The following CELF2 variants were observed in gnomAD, a reference collection of about 807,000 sequenced individuals.
CELF2 encodes the protein CUGBP Elav-like family member 2.
In CELF2, 8 loss-of-function variants were observed where a neutral mutation model predicts 62.6. The ratio of observed to expected loss-of-function variants is 0.13; its 90% CI spans 0.07 to 0.23. The LOEUF is 0.23. Among genes scored for constraint, CELF2 ranks in the 10% least tolerant of loss-of-function variants. The pLI, the probability that CELF2 is intolerant of heterozygous loss-of-function variation, is 1.00. For missense variants in CELF2, 333 were observed against 671.0 expected (o/e 0.50, Z 5.56); for synonymous variants, 258 against 250.0 (o/e 1.03, Z -0.30).
chr10:10,880,048 A>G (rs999574003), intron 1 of CELF2, among the ~76,000 whole-genome samples: 2 of 152,214 alleles, frequency 1.3e-5, no homozygotes, highest in Non-Finnish European at 2.9e-5. Flanking sequence ...AATGTGCCCA[A>G]TCTAATGGGA....
At chr10:11,141,939 C>T (rs138512026) in intron 1 of CELF2, among the ~76,000 whole-genome samples, 24 of 152,304 alleles carry the variant, frequency 1.6e-4, no homozygotes, top group African/African-American at 5.8e-4. Context: ...GAGACTGTAG[C>T]TTAGATGAAG....
the CELF2 span, among the ~76,000 whole-genome samples, chr10:10,523,140 G>A: frequency 6.6e-6 from 1 of 152,176 alleles, no homozygotes; most frequent in Non-Finnish European, 1.5e-5. Flanking sequence ...GGCAGTCAAA[G>A]GTGACCCTAC....
the CELF2 span, among the ~76,000 whole-genome samples, chr10:10,709,368 T>C: frequency 6.6e-6 from 1 of 152,218 alleles, no homozygotes; most frequent in African/African-American, 2.4e-5. Flanking sequence ...CTTCCTAACT[T>C]CTTAGCATTC....
At chr10:11,150,740 T>C (rs1373836143) in intron 1 of CELF2, among the ~76,000 whole-genome samples, 1 of 152,238 alleles carries the variant, frequency 6.6e-6, no homozygotes, top group Non-Finnish European at 1.5e-5. Flanking sequence ...ACTTAAATTA[T>C]AATCTGTTTA....
chr10:10,748,191 G>A, the CELF2 span, among the ~76,000 whole-genome samples: 1 of 151,996 alleles, frequency 6.6e-6, no homozygotes, highest in South Asian at 2.1e-4. Flanking sequence ...AATTAACAAC[G>A]TGTTGTATAT....
rs1386139365 is a variant in CELF2, at chr10:11,214,160, T to G, written c.272-3265T>G. On this transcript the variant is annotated intron_variant, in intron 2 of 12. Transcript: ENST00000633077. This position sits in a 1 kb window ranked among gnomAD's most constrained non-coding sequence, Gnocchi z 4.2. ...GTAGTCAGGCATGGTAGCACACACC[T>G]GTACTCCCAGGTACTCAGGGAAGGG... 6.6e-6 allele frequency among the ~76,000 whole-genome samples: 1 copy of G among 152,120 alleles called. No individual in the cohort carries two copies. Among genetic ancestry groups the G allele is most frequent in the Non-Finnish European group, 1.5e-5 (1 of 68,022 alleles).
At chr10:10,877,084 T>G (rs1591459364) in intron 1 of CELF2, among the ~76,000 whole-genome samples, 1 of 152,160 alleles carries the variant, frequency 6.6e-6, no homozygotes, top group South Asian at 2.1e-4. Context: ...TCCATAAAGG[T>G]GAGCAACTAA....
intron 2 of CELF2, among the ~76,000 whole-genome samples, chr10:11,199,868 G>A (rs2058823673): frequency 6.6e-6 from 1 of 152,190 alleles, no homozygotes; most frequent in African/African-American, 2.4e-5. Context: ...TTAAGCTAGA[G>A]GTAACCTGGA....
In CELF2 at chr10:11,220,264, TTGA is replaced by T. The variant is rs2136015405; in HGVS notation, c.354+2760_354+2762del. On this transcript the variant is annotated intron_variant, in intron 3 of 12. Transcript: ENST00000633077. The surrounding 1 kb of genome is among the most constrained non-coding windows in gnomAD (Gnocchi z 4.4). ...TTTCCGATGTAATTTTCTTTTGCAG[TTGA>T]TGTTTTGTTTCATAAGGAACTTTTA... Among the ~76,000 whole-genome samples the T allele has an allele frequency of 6.6e-6, 1 of 152,302 alleles. No homozygotes were observed. The highest frequency in any genetic ancestry group is 2.1e-4 in the South Asian group (1 of 4,826).
At chr10:11,134,115 A>G (rs2060033168) in intron 1 of CELF2, among the ~76,000 whole-genome samples, 1 of 152,240 alleles carries the variant, frequency 6.6e-6, no homozygotes, top group East Asian at 1.9e-4. Flanking sequence ...TCTAAAGAGA[A>G]GAGGATCGCC....
the CELF2 span, among the ~76,000 whole-genome samples, chr10:10,624,052 T>C: frequency 6.6e-6 from 1 of 152,192 alleles, no homozygotes; most frequent in Non-Finnish European, 1.5e-5. Context: ...TGTCTCTGCG[T>C]TTCCAATTTT....
rs116401561 is a variant in CELF2 at position 10,896,840 on chromosome 10, G to A, written c.54-23124G>A. On this transcript the variant is annotated intron_variant, in intron 1 of 13. Transcript: ENST00000636488. The stretch of plus-strand genomic sequence containing the variant: ...CTGGTACAGATGCCCATTGACTTAG[G>A]ACAGGGTTTCATCCTGATAAACCCA... Among the ~76,000 whole-genome samples the A allele has an allele frequency of 9.5e-4, 144 of 152,292 alleles. 1 individual carries two copies. Among genetic ancestry groups the A allele is most frequent in the Middle Eastern group, 3.4e-3 (1 of 294 alleles).
chr10:10,821,704 G>A (rs139945228), intron 1 of CELF2, among the ~76,000 whole-genome samples: 9 of 152,178 alleles, frequency 5.9e-5, no homozygotes, highest in South Asian at 2.1e-4. Context: ...GGAGTGGCGC[G>A]ATCATAGCTC....
At chr10:10,998,937 T>G (rs2054243704) in intron 2 of CELF2, among the ~76,000 whole-genome samples, 1 of 152,160 alleles carries the variant, frequency 6.6e-6, no homozygotes, top group South Asian at 2.1e-4. Flanking sequence ...CTCCCAAACT[T>G]TAGCATTTAT....
chr10:10,477,342 C>T, the CELF2 span, among the ~76,000 whole-genome samples: 1 of 152,062 alleles, frequency 6.6e-6, no homozygotes, highest in African/African-American at 2.4e-5. Flanking sequence ...CTGCCCACTC[C>T]AATACTGGCG....
chr10:11,025,509 T>C (rs968467003), intron 1 of CELF2, among the ~76,000 whole-genome samples: 9 of 152,146 alleles, frequency 5.9e-5, no homozygotes, highest in Admixed American at 5.9e-4. Context: ...GGGAGGTGCC[T>C]GGCTTCCCCT....
the CELF2 span, among the ~76,000 whole-genome samples, chr10:10,743,547 C>T: frequency 1.1e-4 from 16 of 152,200 alleles, no homozygotes; most frequent in African/African-American, 3.9e-4. Context: ...CACTGATAGG[C>T]AACTTATGAG....
At chr10:11,317,490 C>G (rs370141812) in intron 10 of CELF2, 3 of 152,180 alleles carry the variant, frequency 2.0e-5, no homozygotes, top group Non-Finnish European at 4.4e-5. Context: ...AAGGATAATC[C>G]GTCATCTATA....
rs147703979 is a variant in CELF2 at position 11,241,028 on chromosome 10, G to A, written c.355-8125G>A. On this transcript the variant is annotated intron_variant, in intron 3 of 12. Transcript: ENST00000633077. ...TCTGCCTGGGTTCCTCATAGGTACC[G>A]ATTTCTGGGGCTCTTGTCAAAATTC... Among the ~76,000 whole-genome samples, 413 of 152,176 alleles carry A rather than the reference G, an allele frequency of 2.7e-3. 3 individuals are homozygous for A. The highest frequency in any genetic ancestry group is 0.021 in the East Asian group (109 of 5,172).
Sources: gnomAD v4.1 joint callset for allele counts (sites outside exome capture counted in the v4.1 genomes callset) on GRCh38, gnomAD v4.1.1 for gene constraint, Gnocchi (gnomAD v3.1) non-coding constraint, MANE v1.5 for transcripts, NCBI Gene and HGNC (gene_info 2026-07-23, HGNC 2026-07-21) for gene names.